ZFAT: variants seen among roughly 807,000 people sequenced by gnomAD.
The protein encoded by ZFAT is zinc finger and AT-hook domain containing.
In ZFAT, 64 loss-of-function variants were observed where a neutral mutation model predicts 117.7. That is an observed-to-expected ratio of 0.54 (90% CI 0.44 to 0.67). The LOEUF is 0.67. Ranked by LOEUF, ZFAT falls within the 30% of genes least tolerant of loss-of-function variation. The pLI is 0.00. For missense variants in ZFAT, 1,433 were observed against 1,584.5 expected, an observed-to-expected ratio of 0.90 and a Z score of 1.62; for synonymous variants, 679 against 615.0, an observed-to-expected ratio of 1.10 and a Z score of -1.54.
chr8:134,643,165 T>C (rs1171851410), intron 2 of ZFAT, among the ~76,000 whole-genome samples: 1 of 152,244 alleles, frequency 6.6e-6, no homozygotes, highest in Non-Finnish European at 1.5e-5. Flanking sequence ...CCCCATCATA[T>C]AGTAGAGGTC....
the ZFAT span, among the ~76,000 whole-genome samples, chr8:134,829,671 T>A: frequency 1.6e-3 from 244 of 152,354 alleles, 2 homozygotes; most frequent in African/African-American, 5.7e-3. Flanking sequence ...TATAACCAAC[T>A]AGTAATTAAT....
At chr8:134,594,628 G>C (rs1826783702) in intron 7 of ZFAT, among the ~76,000 whole-genome samples, 1 of 152,154 alleles carries the variant, frequency 6.6e-6, no homozygotes, top group Non-Finnish European at 1.5e-5. Flanking sequence ...TAAAAAGGAG[G>C]ATTAGAAGGA....
the ZFAT span, among the ~76,000 whole-genome samples, chr8:134,757,126 C>T: frequency 6.7e-6 from 1 of 149,906 alleles, no homozygotes; most frequent in African/African-American, 2.5e-5. Context: ...AAGCACTTCT[C>T]CTGCCTCAGC....
chr8:134,790,404 GT>G, the ZFAT span, among the ~76,000 whole-genome samples: 1 of 152,182 alleles, frequency 6.6e-6, no homozygotes, highest in Non-Finnish European at 1.5e-5. Flanking sequence ...GCTAAGATCA[GT>G]TTTCTTGCTC....
Position 134,648,340 on chromosome 8 carries a change from T to TA in ZFAT, c.196+9220dup, listed in dbSNP as rs1056909114. On this transcript the variant is annotated intron_variant, in intron 2 of 15. Transcript: ENST00000377838. ...ATGCCTAGAATGGAAAGAGATTATA[T>TA]AAAATATAGAAAAAGAAAAGAGAAA... Among the ~76,000 whole-genome samples the TA allele has an allele frequency of 1.2e-4, 18 of 150,768 alleles. 1 individual carries two copies. The highest frequency in any genetic ancestry group is 4.4e-4 in the African/African-American group (18 of 41,110).
At chr8:134,604,153 T>C (rs777310773) in intron 5 of ZFAT, among the ~76,000 whole-genome samples, 1 of 152,198 alleles carries the variant, frequency 6.6e-6, no homozygotes, top group East Asian at 1.9e-4. Context: ...TAATAATTAT[T>C]GAGTATGTGT....
At chr8:134,793,298 CA>C in the ZFAT span, 29 of 152,262 alleles carry the variant, frequency 1.9e-4, no homozygotes, top group Admixed American at 1.9e-3. Context: ...CTACTGAGTA[CA>C]AGGCACATTT....
At chr8:134,567,450 A>ACCAT (rs35445440) in intron 10 of ZFAT, among the ~76,000 whole-genome samples, 2,829 of 145,624 alleles carry the variant, frequency 0.019, 33 homozygotes, top group African/African-American at 0.033. Context: ...AACCCTACCA[A>ACCAT]CCATCCATCC....
At chr8:134,483,092 A>C (rs1323447801) in intron 15 of ZFAT, among the ~76,000 whole-genome samples, 5 of 152,198 alleles carry the variant, frequency 3.3e-5, no homozygotes, top group African/African-American at 4.8e-5. Context: ...TGTGCATTTC[A>C]TGGTATATGA....
At chr8:134,484,017 C>A (rs1479046878) in intron 15 of ZFAT, among the ~76,000 whole-genome samples, 1 of 152,232 alleles carries the variant, frequency 6.6e-6, no homozygotes, top group South Asian at 2.1e-4. Context: ...CCTCTCCTCA[C>A]TTCCTTCGTA....
intron 2 of ZFAT, among the ~76,000 whole-genome samples, chr8:134,655,482 T>C (rs1344755853): frequency 6.6e-6 from 1 of 151,984 alleles, no homozygotes; most frequent in African/African-American, 2.4e-5. Flanking sequence ...ACCCTGTCTA[T>C]ACAAAAAATA....
intron 11 of ZFAT, among the ~76,000 whole-genome samples, chr8:134,534,869 C>T (rs1302384702): frequency 2.6e-5 from 4 of 152,070 alleles, no homozygotes; most frequent in African/African-American, 9.7e-5. Context: ...ACTCCTTCCT[C>T]GTAGGCCCCT....
At chr8:134,777,163 A>AT in the ZFAT span, among the ~76,000 whole-genome samples, 2 of 152,124 alleles carry the variant, frequency 1.3e-5, no homozygotes, top group Non-Finnish European at 2.9e-5. Flanking sequence ...GATTTTGCAA[A>AT]TTTTTTGTGA....
At chr8:134,543,940 C>A (rs897063232) in intron 11 of ZFAT, among the ~76,000 whole-genome samples, 4 of 152,148 alleles carry the variant, frequency 2.6e-5, no homozygotes, top group Admixed American at 2.6e-4. Flanking sequence ...CAGATTTGAG[C>A]CAAACTTGAT....
At chr8:134,579,787 CCA>C (rs1825591399) in intron 10 of ZFAT, among the ~76,000 whole-genome samples, 1 of 151,948 alleles carries the variant, frequency 6.6e-6, no homozygotes, top group South Asian at 2.1e-4. Flanking sequence ...CCCATCTCTA[CCA>C]AAAACACAAA....
chr8:134,782,976 AAT>A, the ZFAT span, among the ~76,000 whole-genome samples: 18 of 150,566 alleles, frequency 1.2e-4, no homozygotes, highest in Admixed American at 1.3e-4. Context: ...CAAATATGTA[AAT>A]ATATATATAT....
At chr8:134,557,719 G>A (rs975416772) in intron 11 of ZFAT, among the ~76,000 whole-genome samples, 1 of 152,058 alleles carries the variant, frequency 6.6e-6, no homozygotes, top group African/African-American at 2.4e-5. Flanking sequence ...ACAACACATA[G>A]AAAACAGACA....
In ZFAT at chr8:134,602,519, C is replaced by T. The variant is rs2130932433; in HGVS notation, c.1200G>A (p.Arg400=). 1.9e-6 allele frequency: 3 copies of T among 1,613,982 alleles called. No homozygotes were observed. Among genetic ancestry groups the T allele is most frequent in the Middle Eastern group, 1.6e-4 (1 of 6,062 alleles). The change falls in exon 6 of 16, where the codon CGG becomes CGA. Residue 400 remains arginine, a synonymous_variant. Coordinates refer to ENST00000377838, the MANE Select transcript of ZFAT (RefSeq NM_020863.4). ...AGATGTGGCAGTCATAGAGCAGCTGCCGCTTGCCCTCCCTCGTCATCAGGC... is the reference window on the plus strand; with the variant it reads ...AGATGTGGCAGTCATAGAGCAGCTGTCGCTTGCCCTCCCTCGTCATCAGGC... ...ELCLMTREGK[R]QLLYDCHICE... is the part of the protein sequence containing the mutation.
intron 2 of ZFAT, among the ~76,000 whole-genome samples, chr8:134,652,339 A>G (rs1414446892): frequency 1.3e-5 from 2 of 152,222 alleles, no homozygotes; most frequent in African/African-American, 4.8e-5. Context: ...CATGATGAGC[A>G]GCTCCATTCA....
Sources: allele counts gnomAD v4.1 joint callset (sites outside exome capture counted in the v4.1 genomes callset), GRCh38; gene constraint gnomAD v4.1.1; transcripts MANE v1.5; gene names NCBI Gene and HGNC (gene_info 2026-07-23, HGNC 2026-07-21).